The following SH3RF2 variants were observed in gnomAD, a reference collection of about 807,000 sequenced individuals.
SH3RF2 encodes E3 ubiquitin-protein ligase SH3RF2.
SH3RF2 carries 43 observed loss-of-function variants against 59.0 expected under a neutral mutation model. The ratio of observed to expected loss-of-function variants is 0.73; its 90% CI spans 0.57 to 0.94. The LOEUF is 0.94. Among genes scored for constraint, SH3RF2 ranks in the 40% least tolerant of loss-of-function variants. The pLI is 0.00. For synonymous variants in SH3RF2, 391 were observed against 391.5 expected, an observed-to-expected ratio of 1.00 and a Z score of 0.01; for missense variants, 930 against 940.1, an observed-to-expected ratio of 0.99 and a Z score of 0.14.
At chr5:146,081,757 T>G (rs139051064) in exon 10 of SH3RF2, 113 of 152,112 alleles carry the variant, frequency 7.4e-4, no homozygotes, top group African/African-American at 2.6e-3. Flanking sequence ...AATAAAAACA[T>G]GTTTATTTTC....
chr5:146,014,144 A>C (rs1407712555), intron 5 of SH3RF2, 83 bp downstream of exon 5: 2 of 1,471,348 alleles, frequency 1.4e-6, no homozygotes, highest in Non-Finnish European at 1.9e-6. Flanking sequence ...TTTGATGTTT[A>C]GTACTTGCTA....
At chr5:146,008,164 GT>G (rs1760723575) in intron 4 of SH3RF2, among the ~76,000 whole-genome samples, 1 of 152,182 alleles carries the variant, frequency 6.6e-6, no homozygotes, top group Non-Finnish European at 1.5e-5. Context: ...GCCTGCCTGG[GT>G]TATATGAACT....
Position 146,056,032 on chromosome 5 carries a change from G to A in SH3RF2, c.1374G>A (p.Trp458Ter), listed in dbSNP as rs1253703202. ...GGAGCCCTGGTCTCTACACCACATG[G>A]ACGTTATCCACCTCCTCTGTGTCCT... Reference protein sequence around the residue: ...DSRSPGLYTTWTLSTSSVSSQ... With the variant: ...DSRSPGLYTT Residue 458 changes from tryptophan (W) to a stop codon, truncating the protein, a stop_gained, in exon 8 of 10, where the codon TGG (tryptophan) becomes TGA (stop). Transcript: ENST00000359120. LOFTEE classifies it high-confidence loss of function. 1 of 1,614,202 alleles carries A rather than the reference G, an allele frequency of 6.2e-7. No individual in the cohort carries two copies. Among genetic ancestry groups the A allele is most frequent in the Non-Finnish European group, 8.5e-7 (1 of 1,180,048 alleles).
intron 2 of SH3RF2, among the ~76,000 whole-genome samples, chr5:145,994,801 C>A (rs1760086347): frequency 6.6e-6 from 1 of 152,068 alleles, no homozygotes; most frequent in African/African-American, 2.4e-5. Context: ...ATAATACACA[C>A]CTCAAAGATT....
intron 8 of SH3RF2, among the ~76,000 whole-genome samples, chr5:146,058,953 T>C (rs1013765632): frequency 4.6e-5 from 7 of 151,420 alleles, no homozygotes; most frequent in African/African-American, 1.5e-4. Context: ...ATTTTTAGGA[T>C]ATGTGATCCT....
intron 2 of SH3RF2, among the ~76,000 whole-genome samples, chr5:145,968,597 T>TA (rs966581936): frequency 5.3e-5 from 8 of 152,154 alleles, no homozygotes; most frequent in Non-Finnish European, 8.8e-5. Context: ...GTAGCCACAT[T>TA]AAAAAAAGTA....
intron 2 of SH3RF2, among the ~76,000 whole-genome samples, chr5:145,994,323 C>A (rs1760066328): frequency 6.6e-6 from 1 of 152,206 alleles, no homozygotes; most frequent in South Asian, 2.1e-4. Context: ...TTTTTCCAAC[C>A]TCTGCCTGTT....
At chr5:146,071,051 A>G (rs746205094) in intron 9 of SH3RF2, among the ~76,000 whole-genome samples, 1 of 152,224 alleles carries the variant, frequency 6.6e-6, no homozygotes. Flanking sequence ...GGCTAGCACC[A>G]TCCTAATGAC....
rs551273537 is a variant in SH3RF2 at position 146,062,948 on chromosome 5, G to T, written c.*247G>T. The T allele has an allele frequency of 4.4e-5, 24 of 542,730 alleles. No homozygotes were observed. The South Asian group carries it at 5.5e-4, about 12-fold the overall frequency. The allele number at this position is 542,730 out of a possible 1,614,324, so 33.6% of individuals were successfully genotyped here. A position where few individuals can be genotyped will look rare whatever the true frequency, so the allele number is the denominator to read the frequency against. On this transcript the variant is annotated 3_prime_UTR_variant, in exon 10 of 10. Transcript: ENST00000359120. ...ACAAAGCTCGCTTACTCAGACCAAG[G>T]AGTGAAAAATTGTCGTGCCCACTTT...
exon 10 of SH3RF2, chr5:146,081,223 G>T (rs1561779797): frequency 2.0e-5 from 3 of 151,996 alleles, no homozygotes; most frequent in Admixed American, 1.3e-4. Context: ...CAGAGTTATT[G>T]TCTCTCACTT....
chr5:146,057,785 T>A (rs533633793), intron 8 of SH3RF2, among the ~76,000 whole-genome samples: 1 of 151,840 alleles, frequency 6.6e-6, no homozygotes, highest in East Asian at 1.9e-4. Context: ...AAAAAAAAAA[T>A]TAAAAGAACA....
intron 2 of SH3RF2, among the ~76,000 whole-genome samples, chr5:145,969,491 G>A (rs1276614437): frequency 6.6e-6 from 1 of 152,150 alleles, no homozygotes; most frequent in Admixed American, 6.5e-5. Flanking sequence ...TGGAAAAGAG[G>A]CAGAGGGCAG....
At chr5:146,050,468 C>A (rs1474856837) in intron 7 of SH3RF2, among the ~76,000 whole-genome samples, 1 of 152,208 alleles carries the variant, frequency 6.6e-6, no homozygotes, top group Non-Finnish European at 1.5e-5. Context: ...AAAAAGATTT[C>A]TTCACATGGC....
intron 5 of SH3RF2, among the ~76,000 whole-genome samples, chr5:146,041,963 G>T (rs1377491783): frequency 6.6e-6 from 1 of 152,038 alleles, no homozygotes; most frequent in African/African-American, 2.4e-5. Flanking sequence ...ATAAAATGTA[G>T]CCCTTCTCTC....
chr5:145,944,376 G>C (rs1269241264), intron 2 of SH3RF2, among the ~76,000 whole-genome samples: 4 of 149,600 alleles, frequency 2.7e-5, no homozygotes. Flanking sequence ...TTAGAGACAG[G>C]GTCTCATTCC....
At chr5:145,939,385 T>C (rs535430906) in intron 2 of SH3RF2, among the ~76,000 whole-genome samples, 1 of 152,362 alleles carries the variant, frequency 6.6e-6, no homozygotes, top group East Asian at 1.9e-4. Flanking sequence ...CTTGCAGGAC[T>C]GCTTCCTTAC....
At chr5:145,977,678 C>A (rs746664416) in intron 2 of SH3RF2, among the ~76,000 whole-genome samples, 1 of 152,220 alleles carries the variant, frequency 6.6e-6, no homozygotes, top group Non-Finnish European at 1.5e-5. Flanking sequence ...GCTGAGATGT[C>A]ACAGCTAGTT....
chr5:145,986,846 C>G (rs1412656836), intron 2 of SH3RF2, among the ~76,000 whole-genome samples: 1 of 152,210 alleles, frequency 6.6e-6, no homozygotes, highest in Non-Finnish European at 1.5e-5. Context: ...AAAGGCACTA[C>G]TGACTATAAG....
At chr5:146,059,445 T>C (rs1002566359) in intron 8 of SH3RF2, among the ~76,000 whole-genome samples, 2 of 152,126 alleles carry the variant, frequency 1.3e-5, no homozygotes, top group Non-Finnish European at 2.9e-5. Context: ...GCCTCTCCTT[T>C]GTGTTTCTCA....
Sources: gnomAD v4.1 joint callset for allele counts (sites outside exome capture counted in the v4.1 genomes callset) on GRCh38, gnomAD v4.1.1 for gene constraint, MANE v1.5 for transcripts, NCBI Gene and HGNC (gene_info 2026-07-23, HGNC 2026-07-21) for gene names.